Variants in NXPE2 observed in about 807,000 individuals in gnomAD.
The protein encoded by NXPE2 is neurexophilin and PC-esterase domain family member 2, also known as NXPE family member 2.
Under a neutral mutation model 34.4 loss-of-function variants are expected in NXPE2, and 34 were observed. That is an observed-to-expected ratio of 0.99 (90% CI 0.75 to 1.31). The LOEUF is 1.31. NXPE2 is among the 40% of genes most tolerant of loss of function. The pLI is 0.00. For missense variants in NXPE2, 649 were observed against 672.5 expected (o/e 0.97, Z 0.39); for synonymous variants, 235 against 231.3 (o/e 1.02, Z -0.15).
chr11:114,795,635 C>T, the NXPE2 span, among the ~76,000 whole-genome samples: 1 of 152,174 alleles, frequency 6.6e-6, no homozygotes, highest in African/African-American at 2.4e-5. Flanking sequence ...AGTTCATGTC[C>T]ACTCATCAGT....
At chr11:114,562,347 C>T in the NXPE2 span, among the ~76,000 whole-genome samples, 1 of 152,300 alleles carries the variant, frequency 6.6e-6, no homozygotes, top group East Asian at 1.9e-4. Context: ...GGGGATTATG[C>T]ACAGCACTGC....
the NXPE2 span, among the ~76,000 whole-genome samples, chr11:114,625,830 A>C: frequency 6.6e-6 from 1 of 152,132 alleles, no homozygotes; most frequent in Non-Finnish European, 1.5e-5. Flanking sequence ...ACCACGTGCA[A>C]GCTGAAGCAT....
At chr11:114,483,259 G>GCTA in the NXPE2 span, among the ~76,000 whole-genome samples, 1 of 152,142 alleles carries the variant, frequency 6.6e-6, no homozygotes, top group African/African-American at 2.4e-5. Flanking sequence ...CGCTGGTTGG[G>GCTA]CTACTCATTT....
At chr11:114,720,797 C>T in the NXPE2 span, among the ~76,000 whole-genome samples, 1 of 152,060 alleles carries the variant, frequency 6.6e-6, no homozygotes. Flanking sequence ...GTCTGGGTTA[C>T]ATTTCTATTT....
At chr11:114,693,986 C>T (rs1300091216) in intron 2 of NXPE2, among the ~76,000 whole-genome samples, 5 of 152,178 alleles carry the variant, frequency 3.3e-5, no homozygotes, top group Non-Finnish European at 7.3e-5. Flanking sequence ...GCTGCACTGC[C>T]TTCTGAAAAC....
chr11:114,598,195 C>T, the NXPE2 span, among the ~76,000 whole-genome samples: 2 of 119,010 alleles, frequency 1.7e-5, no homozygotes, highest in Non-Finnish European at 3.6e-5. Flanking sequence ...TTCAGAGCTC[C>T]AAAATAATCT....
chr11:114,676,917 GGT>G (rs923153811), upstream of NXPE2, among the ~76,000 whole-genome samples: 11 of 151,874 alleles, frequency 7.2e-5, no homozygotes, highest in African/African-American at 2.7e-4. Context: ...TAAACAGTTG[GGT>G]GTTGCTCAGC....
the NXPE2 span, chr11:114,571,241 A>G: frequency 6.2e-7 from 1 of 1,614,046 alleles, no homozygotes; most frequent in Non-Finnish European, 8.5e-7. Context: ...TAAAAACATC[A>G]ATGGGAAAGG....
chr11:114,651,347 C>T, the NXPE2 span, among the ~76,000 whole-genome samples: 206 of 151,584 alleles, frequency 1.4e-3, no homozygotes, highest in African/African-American at 4.6e-3. Context: ...GTGGCACGTC[C>T]GGAGTTGTTT....
the NXPE2 span, among the ~76,000 whole-genome samples, chr11:114,503,371 C>T: frequency 2.0e-4 from 30 of 151,962 alleles, no homozygotes; most frequent in Admixed American, 4.6e-4. Flanking sequence ...CTAGAAGAGA[C>T]GGAGACAATT....
chr11:114,541,019 T>C, the NXPE2 span, among the ~76,000 whole-genome samples: 3 of 152,048 alleles, frequency 2.0e-5, no homozygotes, highest in Admixed American at 6.6e-5. Flanking sequence ...AGCTGACCCC[T>C]GAGGCACACC....
At chr11:114,469,882 C>A in the NXPE2 span, among the ~76,000 whole-genome samples, 4 of 151,864 alleles carry the variant, frequency 2.6e-5, no homozygotes, top group Non-Finnish European at 5.9e-5. Context: ...AACCAGTAAT[C>A]TTCTTTCTGT....
chr11:114,700,249 G>T (rs1227445233), intron 3 of NXPE2, among the ~76,000 whole-genome samples: 2 of 152,090 alleles, frequency 1.3e-5, no homozygotes, highest in Non-Finnish European at 2.9e-5. Context: ...ATGACCCCAC[G>T]GCTCTAAGGG....
chr11:114,601,689 TA>T, the NXPE2 span, among the ~76,000 whole-genome samples: 8 of 31,478 alleles, frequency 2.5e-4, 1 homozygote, highest in African/African-American at 1.4e-3. Flanking sequence ...ATAGATTATA[TA>T]TATTTATAAT....
the NXPE2 span, among the ~76,000 whole-genome samples, chr11:114,610,784 G>A: frequency 2.0e-5 from 3 of 151,940 alleles, no homozygotes; most frequent in Admixed American, 2.0e-4. Flanking sequence ...CTGTTACCCA[G>A]TGGATAATAA....
chr11:114,749,570 A>G, the NXPE2 span, among the ~76,000 whole-genome samples: 1 of 152,170 alleles, frequency 6.6e-6, no homozygotes, highest in East Asian at 1.9e-4. Flanking sequence ...TAATCTCCAA[A>G]AGTTCACAAG....
At chr11:114,767,225 A>G in the NXPE2 span, among the ~76,000 whole-genome samples, 1 of 152,136 alleles carries the variant, frequency 6.6e-6, no homozygotes, top group Non-Finnish European at 1.5e-5. Context: ...GCACTTTATA[A>G]ATAATAGTGC....
At chr11:114,602,496 C>T in the NXPE2 span, among the ~76,000 whole-genome samples, 1 of 134,574 alleles carries the variant, frequency 7.4e-6, no homozygotes, top group African/African-American at 2.7e-5. Flanking sequence ...CATATATTAT[C>T]CCATATGTAA....
At chr11:114,501,561 T>A in the NXPE2 span, among the ~76,000 whole-genome samples, 1 of 152,210 alleles carries the variant, frequency 6.6e-6, no homozygotes, top group East Asian at 1.9e-4. Flanking sequence ...ACAAAAACCA[T>A]TGAATTCTGA....
Sources: gnomAD v4.1 joint callset for allele counts (sites outside exome capture counted in the v4.1 genomes callset) on GRCh38, gnomAD v4.1.1 for gene constraint, MANE v1.5 for transcripts, NCBI Gene and HGNC (gene_info 2026-07-23, HGNC 2026-07-21) for gene names.